The following AAGAB variants were observed in gnomAD, a reference collection of about 807,000 sequenced individuals.
AAGAB encodes the protein alpha and gamma adaptin binding protein.
AAGAB carries 38 observed loss-of-function variants against 44.1 expected under a neutral mutation model. The ratio of observed to expected loss-of-function variants is 0.86; its 90% CI spans 0.67 to 1.13. The LOEUF (loss-of-function observed/expected upper bound fraction) is 1.13. Ranked by LOEUF, AAGAB falls within the 50% of genes most tolerant of loss-of-function variation. The pLI, the probability that AAGAB is intolerant of heterozygous loss-of-function variation, is 0.00. For missense variants in AAGAB, 450 were observed against 373.8 expected, an observed-to-expected ratio of 1.20 and a Z score of -1.68; for synonymous variants, 131 against 131.8, an observed-to-expected ratio of 0.99 and a Z score of 0.04.
intron 7 of AAGAB, among the ~76,000 whole-genome samples, chr15:67,205,926 T>C (rs2053293): frequency 0.99 from 150,035 of 152,272 alleles, 73,954 homozygotes; most frequent in Non-Finnish European, 1. Flanking sequence ...ACACAGAGTT[T>C]CTATATGCTC....
chr15:67,208,678 T>C lies in AAGAB; in HGVS notation c.619-20A>G, dbSNP rs1051160639. On this transcript the variant is annotated intron_variant, in intron 6 of 9. Transcript: ENST00000261880. ...GGGTTGCTGTTGAGGAAAATACACATAAGCAACAATTTAATCGTAGTCTAT... is the reference window on the plus strand; with the variant it reads ...GGGTTGCTGTTGAGGAAAATACACACAAGCAACAATTTAATCGTAGTCTAT... The C allele has an allele frequency of 1.9e-6, 3 of 1,598,764 alleles. No homozygotes were observed. In the African/African-American group the frequency reaches 4.0e-5, roughly 21 times the overall value.
rs1226222233 is a variant in AAGAB, at chr15:67,202,729, A to C, written c.*92T>G. The C allele has an allele frequency of 8.2e-6, 10 of 1,219,444 alleles. No homozygotes were observed. Among genetic ancestry groups the C allele is most frequent in the Non-Finnish European group, 1.2e-5 (10 of 825,678 alleles). 75.5% of individuals were successfully genotyped at this position (1,219,444 alleles called of 1,614,324 possible). On this transcript the variant is annotated 3_prime_UTR_variant, in exon 10 of 10. Transcript: ENST00000261880. ...AACAAGTCAGGCAGCCAACATGATAAGGGCAATTTTGGCAAAATATGACTG... is the reference window on the plus strand; with the variant it reads ...AACAAGTCAGGCAGCCAACATGATACGGGCAATTTTGGCAAAATATGACTG...
At position 67,236,277 on chromosome 15, in the gene AAGAB, A is replaced by C. The variant is rs930391607; in HGVS notation, c.361+131T>G. 128 of 985,716 alleles carry C rather than the reference A, an allele frequency of 1.3e-4. 2 individuals are homozygous for C. The East Asian group carries it at 3.0e-3, about 23-fold the overall frequency. 61.1% of individuals were successfully genotyped at this position (985,716 alleles called of 1,614,324 possible). On this transcript the variant is annotated intron_variant, in intron 3 of 9. Transcript: ENST00000261880. ...GTATTACAAGATTCCAAAGAAAAAT[A>C]GCTGAAAATATTTTCATAAAGCCAT...
chr15:67,247,937 T>G (rs1964767350), intron 1 of AAGAB, among the ~76,000 whole-genome samples: 1 of 152,216 alleles, frequency 6.6e-6, no homozygotes, highest in Admixed American at 6.5e-5. Context: ...CCACACAGTC[T>G]AGTTGCTAAG....
At position 67,203,885 on chromosome 15, in the gene AAGAB, A is replaced by AT. The variant is rs111308100; in HGVS notation, c.820+158dup. On this transcript the variant is annotated intron_variant, in intron 8 of 9. Transcript: ENST00000261880. ...AAGATGGAAAAATTTTCCCCAGGGAATTTTTTTTTTTTACCAAGTCCCAGG... is the reference window on the plus strand; with the variant it reads ...AAGATGGAAAAATTTTCCCCAGGGAATTTTTTTTTTTTTACCAAGTCCCAGG... Among the ~76,000 whole-genome samples, 3,147 of 148,124 alleles carry AT rather than the reference A, an allele frequency of 0.021. 61 individuals carry two copies. The highest frequency in any genetic ancestry group is 0.053 in the African/African-American group (2,154 of 40,684).
intron 5 of AAGAB, among the ~76,000 whole-genome samples, chr15:67,216,240 G>A (rs774956425): frequency 1.9e-4 from 29 of 151,764 alleles, no homozygotes; most frequent in African/African-American, 5.1e-4. Flanking sequence ...CCAAGAGCTC[G>A]AAACCAGCGT....
chr15:67,212,181 G>A (rs985003451), intron 5 of AAGAB, among the ~76,000 whole-genome samples: 5 of 152,234 alleles, frequency 3.3e-5, no homozygotes, highest in South Asian at 2.1e-4. Flanking sequence ...GCACCCGGCC[G>A]AAATGCTTAA....
chr15:67,219,187 A>G (rs1567019776), intron 5 of AAGAB, among the ~76,000 whole-genome samples: 1 of 152,194 alleles, frequency 6.6e-6, no homozygotes, highest in Non-Finnish European at 1.5e-5. Flanking sequence ...GAACCTTTTA[A>G]GACATTTTCC....
At chr15:67,254,834 G>A (rs975537183), upstream of AAGAB, 3 of 1,548,816 alleles carry the variant, frequency 1.9e-6, no homozygotes, top group African/African-American at 2.7e-5. Flanking sequence ...GAGCGGCTCC[G>A]GCTGAAGGTT....
chr15:67,236,383 C>T (rs1488626760), intron 3 of AAGAB, 25 bp downstream of exon 3: 2 of 1,599,316 alleles, frequency 1.3e-6, no homozygotes, highest in Middle Eastern at 1.7e-4. Flanking sequence ...CATGTACCAA[C>T]TACTGTCCCA....
intron 1 of AAGAB, 72 bp downstream of exon 1, chr15:67,254,487 C>T (rs1474245648): frequency 6.6e-7 from 1 of 1,517,026 alleles, no homozygotes. Context: ...CCCAGAGAGG[C>T]CGTGGTGCTG....
At chr15:67,227,288 G>A (rs1964226848) in intron 5 of AAGAB, among the ~76,000 whole-genome samples, 1 of 151,448 alleles carries the variant, frequency 6.6e-6, no homozygotes, top group Non-Finnish European at 1.5e-5. Context: ...ACAAAAATTG[G>A]TCATTATTAA....
chr15:67,203,955 C>G (rs969376188), intron 8 of AAGAB, 89 bp downstream of exon 8: 4 of 800,236 alleles, frequency 5.0e-6, no homozygotes, highest in Non-Finnish European at 8.0e-6. Flanking sequence ...ACAAGGAATC[C>G]AATCCAGCAG....
chr15:67,243,602 C>A (rs1024142200), intron 1 of AAGAB, among the ~76,000 whole-genome samples: 1 of 152,068 alleles, frequency 6.6e-6, no homozygotes, highest in Non-Finnish European at 1.5e-5. Context: ...ACAAGACAGC[C>A]CCACAAGACA....
intron 1 of AAGAB, among the ~76,000 whole-genome samples, chr15:67,250,564 G>C (rs1488780534): frequency 1.3e-5 from 2 of 152,186 alleles, no homozygotes; most frequent in Non-Finnish European, 2.9e-5. Flanking sequence ...AACAGAGACT[G>C]TCTCTGTGTT....
intron 5 of AAGAB, among the ~76,000 whole-genome samples, chr15:67,217,712 A>G (rs976912243): frequency 6.6e-6 from 1 of 151,866 alleles, no homozygotes; most frequent in Admixed American, 6.6e-5. Context: ...TAATTTTTGT[A>G]TTTTTAGTAG....
rs377511353 is a variant in AAGAB at position 67,208,548 on chromosome 15, A to G, written c.715+14T>C. 27 of 1,611,072 alleles carry G rather than the reference A, an allele frequency of 1.7e-5. No homozygotes were observed. Among genetic ancestry groups the G allele is most frequent in the Non-Finnish European group, 1.9e-5 (22 of 1,177,682 alleles). On this transcript the variant is annotated intron_variant, in intron 7 of 9. Coordinates refer to ENST00000261880, the MANE Select transcript of AAGAB (RefSeq NM_024666.5). ...GCACAAAGCTCTCTCTTGGCAGCCA[A>G]AGGAGGAACTTACCCACAATGCTAT...
intron 5 of AAGAB, among the ~76,000 whole-genome samples, chr15:67,214,932 A>G (rs1963908402): frequency 6.6e-6 from 1 of 151,468 alleles, no homozygotes; most frequent in Non-Finnish European, 1.5e-5. Flanking sequence ...GAGCCACGGC[A>G]CCCGGCAGTC....
intron 5 of AAGAB, among the ~76,000 whole-genome samples, chr15:67,218,298 G>C (rs1963996461): frequency 6.6e-6 from 1 of 152,202 alleles, no homozygotes; most frequent in Non-Finnish European, 1.5e-5. Flanking sequence ...TACCAGCATG[G>C]ACTGAACTCC....
Sources: allele counts gnomAD v4.1 joint callset (sites outside exome capture counted in the v4.1 genomes callset), GRCh38; gene constraint gnomAD v4.1.1; transcripts MANE v1.5; gene names NCBI Gene and HGNC (gene_info 2026-07-23, HGNC 2026-07-21).